Variants in TMPO observed in about 807,000 individuals in gnomAD.
TMPO encodes thymopoietin.
In TMPO, 22 loss-of-function variants were observed where a neutral mutation model predicts 45.4. That is an observed-to-expected ratio of 0.48 (90% CI 0.35 to 0.69). TMPO has a LOEUF of 0.69. Ranked by LOEUF, TMPO falls within the 30% of genes least tolerant of loss-of-function variation. The pLI is 0.01. For synonymous variants in TMPO, 241 were observed against 204.1 expected, an observed-to-expected ratio of 1.18 and a Z score of -1.54; for missense variants, 512 against 548.8, an observed-to-expected ratio of 0.93 and a Z score of 0.67.
At chr12:98,533,064 G>T in intron 3 of TMPO, 1 of 1,613,804 alleles carries the variant, frequency 6.2e-7, no homozygotes, top group Non-Finnish European at 8.5e-7. Context: ...AGTTGCAGAA[G>T]TTAGCCTCTG....
At chr12:98,530,912 A>G (rs761171804) in intron 2 of TMPO, among the ~76,000 whole-genome samples, 3 of 152,226 alleles carry the variant, frequency 2.0e-5, no homozygotes, top group Non-Finnish European at 2.9e-5. Flanking sequence ...TTAACCTACT[A>G]TGTATTTCAT....
intron 1 of TMPO, among the ~76,000 whole-genome samples, chr12:98,525,556 C>A (rs1290643636): frequency 6.6e-6 from 1 of 152,096 alleles, no homozygotes; most frequent in African/African-American, 2.4e-5. Context: ...GCCTGGCCAA[C>A]ATGCTGAAAC....
rs150669486 is a variant in TMPO at position 98,550,279 on chromosome 12, A to G, written c.*2421A>G. On this transcript the variant is annotated 3_prime_UTR_variant, in exon 9 of 9. Transcript: ENST00000556029. ...TTAAATTGTAGATGTAGACTTTACAATATAATTCAATAATAAAAAGTAATT... is the reference window on the plus strand; with the variant it reads ...TTAAATTGTAGATGTAGACTTTACAGTATAATTCAATAATAAAAAGTAATT... 1 of 152,256 alleles carries G rather than the reference A, an allele frequency of 6.6e-6. No homozygotes were observed. Among genetic ancestry groups the G allele is most frequent in the Non-Finnish European group, 1.5e-5 (1 of 68,042 alleles). 9.4% of individuals were successfully genotyped at this position (152,256 alleles called of 1,614,324 possible). A position where few individuals can be genotyped will look rare whatever the true frequency, so the allele number is the denominator to read the frequency against.
chr12:98,545,271 T>G (rs909842946), intron 7 of TMPO, among the ~76,000 whole-genome samples: 1 of 152,058 alleles, frequency 6.6e-6, no homozygotes, highest in African/African-American at 2.4e-5. Flanking sequence ...GCTAATACTA[T>G]CCTCTTGCCA....
intron 1 of TMPO, chr12:98,516,413 G>C (rs1875825470): frequency 1.7e-6 from 2 of 1,180,654 alleles, no homozygotes; most frequent in East Asian, 3.8e-5. Flanking sequence ...TTTGCACGCA[G>C]TCGACGCCGC....
intron 2 of TMPO, among the ~76,000 whole-genome samples, chr12:98,530,838 C>G (rs1475500173): frequency 6.6e-6 from 1 of 152,182 alleles, no homozygotes; most frequent in African/African-American, 2.4e-5. Flanking sequence ...AAAATAAATG[C>G]AAGACTTCAG....
intron 1 of TMPO, among the ~76,000 whole-genome samples, chr12:98,520,053 G>C (rs933158668): frequency 7.0e-6 from 1 of 143,718 alleles, no homozygotes; most frequent in East Asian, 2.2e-4. Flanking sequence ...TCTGCCTCCC[G>C]GGTTCAAGCG....
At chr12:98,516,472 C>A in intron 1 of TMPO, 2 of 1,120,596 alleles carry the variant, frequency 1.8e-6, no homozygotes, top group Non-Finnish European at 2.2e-6. Flanking sequence ...CGGGGACTTC[C>A]GTGCCCTTTC....
At chr12:98,525,895 T>C (rs923742643) in intron 1 of TMPO, among the ~76,000 whole-genome samples, 2 of 152,224 alleles carry the variant, frequency 1.3e-5, no homozygotes, top group Non-Finnish European at 2.9e-5. Context: ...CTTGATAATT[T>C]TAGCCTTTTT....
At chr12:98,519,348 AC>A (rs1461020030) in intron 1 of TMPO, among the ~76,000 whole-genome samples, 1 of 151,948 alleles carries the variant, frequency 6.6e-6, no homozygotes, top group Non-Finnish European at 1.5e-5. Flanking sequence ...ACAGGCGTAT[AC>A]TACTATACCC....
intron 1 of TMPO, among the ~76,000 whole-genome samples, chr12:98,523,951 T>A (rs1876571750): frequency 1.3e-5 from 2 of 151,732 alleles, no homozygotes; most frequent in Non-Finnish European, 2.9e-5. Flanking sequence ...AGTGCTAGAA[T>A]TACAGACATG....
At chr12:98,518,038 C>T (rs1876013943) in intron 1 of TMPO, among the ~76,000 whole-genome samples, 1 of 150,922 alleles carries the variant, frequency 6.6e-6, no homozygotes, top group Non-Finnish European at 1.5e-5. Context: ...TGCCTGGTGG[C>T]GGCGGCCGAG....
intron 7 of TMPO, among the ~76,000 whole-genome samples, chr12:98,545,482 A>G (rs1878177117): frequency 6.6e-6 from 1 of 152,200 alleles, no homozygotes; most frequent in Non-Finnish European, 1.5e-5. Flanking sequence ...TGTGTAATTA[A>G]GCTTGAAAGT....
chr12:98,540,820 G>A (rs970487161), intron 4 of TMPO, among the ~76,000 whole-genome samples: 3 of 152,116 alleles, frequency 2.0e-5, no homozygotes, highest in African/African-American at 7.2e-5. Context: ...ATGATATAGC[G>A]GCCTTCCTGT....
intron 2 of TMPO, among the ~76,000 whole-genome samples, chr12:98,528,512 T>A (rs1001972809): frequency 1.3e-5 from 2 of 151,954 alleles, no homozygotes; most frequent in African/African-American, 4.8e-5. Flanking sequence ...CTTCTGACCT[T>A]GTGATCCGCC....
intron 1 of TMPO, among the ~76,000 whole-genome samples, chr12:98,521,888 C>G (rs896380422): frequency 2.0e-5 from 3 of 152,160 alleles, no homozygotes; most frequent in Non-Finnish European, 4.4e-5. Context: ...CACCACCATG[C>G]CCAGCTAATT....
In TMPO at chr12:98,527,002, CT is replaced by C. The variant is rs546508240; in HGVS notation, c.280-883del. Among the ~76,000 whole-genome samples the C allele has an allele frequency of 1.4e-4, 22 of 151,878 alleles. No individual in the cohort carries two copies. In the East Asian group the frequency reaches 4.3e-3, roughly 29 times the overall value. ...AAGAAAATCATTTCTATATATGTAT[CT>C]AAGTGTAAGCCTGTATGGTAAAGTC... is the stretch of plus-strand genomic sequence containing the variant. On this transcript the variant is annotated intron_variant, in intron 1 of 8. Transcript: ENST00000556029.
At position 98,549,760 on chromosome 12, in the gene TMPO, GC is replaced by G. The variant is rs1878433359; in HGVS notation, c.*1904del. On this transcript the variant is annotated 3_prime_UTR_variant, in exon 9 of 9. Coordinates refer to ENST00000556029, the MANE Select transcript of TMPO (RefSeq NM_001032283.3). ...CAGCACACAATTTTGATTTCAATTA[GC>G]CTTATTCTAATATTTAGCTTTTAGA... 6.6e-6 allele frequency: 1 copy of G among 152,180 alleles called. No homozygotes were observed. Among genetic ancestry groups the G allele is most frequent in the African/African-American group, 2.4e-5 (1 of 41,448 alleles). 9.4% of individuals were successfully genotyped at this position (152,180 alleles called of 1,614,324 possible).
At chr12:98,522,856 G>A (rs144678903) in intron 1 of TMPO, among the ~76,000 whole-genome samples, 1 of 152,276 alleles carries the variant, frequency 6.6e-6, no homozygotes, top group East Asian at 1.9e-4. Context: ...GACTCTGTAA[G>A]TTAATGCAAA....
Sources: gnomAD v4.1 joint callset for allele counts (sites outside exome capture counted in the v4.1 genomes callset) on GRCh38, gnomAD v4.1.1 for gene constraint, MANE v1.5 for transcripts, NCBI Gene and HGNC (gene_info 2026-07-23, HGNC 2026-07-21) for gene names.